ACSL3: variants seen among roughly 807,000 people sequenced by gnomAD.
The protein encoded by ACSL3 is acyl-CoA synthetase long chain family member 3.
In ACSL3, 34 loss-of-function variants were observed where a neutral mutation model predicts 84.7. That is an observed-to-expected ratio of 0.40 (90% CI 0.31 to 0.53). The LOEUF is 0.53. Ranked by LOEUF, ACSL3 falls within the 20% of genes least tolerant of loss-of-function variation. The probability of loss-of-function intolerance (pLI) is 0.48; values close to 1 mark genes in which losing one functional copy is unlikely to be tolerated. For missense variants in ACSL3, 680 were observed against 873.1 expected (o/e 0.78, Z 2.79); for synonymous variants, 315 against 299.4 (o/e 1.05, Z -0.54).
intron 2 of ACSL3, among the ~76,000 whole-genome samples, chr2:222,893,850 T>G (rs1432283986): frequency 6.6e-6 from 1 of 152,078 alleles, no homozygotes; most frequent in Non-Finnish European, 1.5e-5. Context: ...ACTTTGTCTT[T>G]TCACAAAGTC....
At chr2:222,876,017 A>G (rs1247996424) in intron 1 of ACSL3, among the ~76,000 whole-genome samples, 1 of 152,230 alleles carries the variant, frequency 6.6e-6, no homozygotes. Flanking sequence ...TAAACATACA[A>G]TCCATAGTTA....
chr2:222,866,290 T>C (rs1034697766), intron 1 of ACSL3, among the ~76,000 whole-genome samples: 3 of 151,984 alleles, frequency 2.0e-5, no homozygotes, highest in Non-Finnish European at 2.9e-5. Flanking sequence ...GGACTACAGG[T>C]GCCCACCACC....
Position 222,930,908 on chromosome 2 carries a change from C to G in ACSL3, c.1732+96C>G, listed in dbSNP as rs1697013606. On this transcript the variant is annotated intron_variant, in intron 14 of 16. Transcript: ENST00000357430. ...AGAGGAGGCGCTGAATAATATAAATCTTTATGTAATCTTAGTTTGGGTTGT... is the reference window on the plus strand; with the variant it reads ...AGAGGAGGCGCTGAATAATATAAATGTTTATGTAATCTTAGTTTGGGTTGT... The G allele has an allele frequency of 5.4e-6, 6 of 1,118,682 alleles. No individual in the cohort carries two copies. In the Admixed American group the frequency reaches 1.5e-4, roughly 29 times the overall value. The allele number at this position is 1,118,682 out of a possible 1,614,324, so 69.3% of individuals were successfully genotyped here.
At chr2:222,923,246 T>A in intron 10 of ACSL3, 97 bp downstream of exon 10, 1 of 1,008,850 alleles carries the variant, frequency 9.9e-7, no homozygotes, top group Non-Finnish European at 1.5e-6. Context: ...ACAAGGTAGT[T>A]TATGTAGGAT....
At chr2:222,923,224 A>C in intron 10 of ACSL3, 75 bp downstream of exon 10, 1 of 1,226,278 alleles carries the variant, frequency 8.2e-7, no homozygotes, top group Non-Finnish European at 1.2e-6. Context: ...GCTAGTGAAA[A>C]ATATATTGTT....
chr2:222,865,274 T>C (rs1695108198), intron 1 of ACSL3, among the ~76,000 whole-genome samples: 2 of 152,224 alleles, frequency 1.3e-5, no homozygotes, highest in Admixed American at 6.5e-5. Flanking sequence ...ATGTTTCCCA[T>C]TTTGAAGGGT....
At chr2:222,865,257 A>G (rs1221305528) in intron 1 of ACSL3, among the ~76,000 whole-genome samples, 1 of 152,136 alleles carries the variant, frequency 6.6e-6, no homozygotes, top group Non-Finnish European at 1.5e-5. Flanking sequence ...TTATTTACGT[A>G]TTTTTGATGT....
intron 4 of ACSL3, among the ~76,000 whole-genome samples, chr2:222,915,796 A>G (rs1159439267): frequency 6.6e-6 from 1 of 152,220 alleles, no homozygotes; most frequent in Non-Finnish European, 1.5e-5. Context: ...AGAGTTTGGT[A>G]TGGCAATTCA....
intron 1 of ACSL3, among the ~76,000 whole-genome samples, chr2:222,871,266 A>T (rs1474886668): frequency 1.3e-5 from 2 of 152,168 alleles, no homozygotes; most frequent in African/African-American, 2.4e-5. Flanking sequence ...GAGTGACAGT[A>T]GAAGATGTGG....
intron 1 of ACSL3, among the ~76,000 whole-genome samples, chr2:222,886,299 T>C (rs1357752275): frequency 2.0e-5 from 3 of 152,156 alleles, no homozygotes; most frequent in Non-Finnish European, 4.4e-5. Flanking sequence ...ATTCTTCAAC[T>C]CCCACTTATG....
intron 2 of ACSL3, among the ~76,000 whole-genome samples, chr2:222,888,317 T>C (rs1695769086): frequency 6.6e-6 from 1 of 152,216 alleles, no homozygotes; most frequent in African/African-American, 2.4e-5. Context: ...TTATTACAGT[T>C]GTCATGGGGC....
At chr2:222,924,251 C>A (rs1009198486) in intron 10 of ACSL3, among the ~76,000 whole-genome samples, 2 of 152,018 alleles carry the variant, frequency 1.3e-5, no homozygotes, top group African/African-American at 2.4e-5. Flanking sequence ...AATTGTGGTT[C>A]GATTTTAAAA....
At chr2:222,877,011 G>A (rs1695466501) in intron 1 of ACSL3, among the ~76,000 whole-genome samples, 3 of 152,148 alleles carry the variant, frequency 2.0e-5, no homozygotes, top group African/African-American at 7.2e-5. Flanking sequence ...GTTAGGAGGG[G>A]ATTGGAGATG....
intron 7 of ACSL3, 177 bp downstream of exon 7, chr2:222,919,379 G>C: frequency 2.0e-6 from 1 of 494,258 alleles, no homozygotes; most frequent in Non-Finnish European, 3.4e-6. Flanking sequence ...AAGTTTTAAG[G>C]AAAAATATAA....
intron 1 of ACSL3, among the ~76,000 whole-genome samples, chr2:222,877,578 A>G (rs1695482118): frequency 2.6e-5 from 4 of 152,232 alleles, no homozygotes; most frequent in African/African-American, 9.6e-5. Context: ...ATAAATACCT[A>G]GTTCAGAAAT....
chr2:222,893,970 A>G (rs908221382), intron 2 of ACSL3, among the ~76,000 whole-genome samples: 4 of 152,156 alleles, frequency 2.6e-5, no homozygotes, highest in Non-Finnish European at 5.9e-5. Flanking sequence ...AGCTGGGACT[A>G]CAGTCATGAG....
intron 2 of ACSL3, among the ~76,000 whole-genome samples, chr2:222,899,778 TTACTA>T (rs1696089765): frequency 6.6e-6 from 1 of 152,186 alleles, no homozygotes; most frequent in Admixed American, 6.5e-5. Context: ...ATTTTCTTAA[TTACTA>T]TATTAAGATA....
At position 222,909,122 on chromosome 2, in the gene ACSL3, T is replaced by C. The variant is rs763296511; in HGVS notation, c.350T>C (p.Val117Ala). ...TREVLNEEDE[V>A]QPNGKIFKKV... ...GAAGTTTTAAATGAGGAAGATGAAG[T>C]ACAACCAAATGGAAAAATTTTTAAA... The change falls in exon 4 of 17, where the codon GTA becomes GCA. Residue 117 changes from valine to alanine, a missense_variant. Val to Ala is a moderately conservative substitution (Grantham distance 64, BLOSUM62 0). Coordinates refer to ENST00000357430, the MANE Select transcript of ACSL3 (RefSeq NM_004457.5). 6.3e-7 allele frequency: 1 copy of C among 1,596,640 alleles called. No individual in the cohort carries two copies. Among genetic ancestry groups the C allele is most frequent in the East Asian group, 2.2e-5 (1 of 44,794 alleles).
intron 16 of ACSL3, among the ~76,000 whole-genome samples, 177 bp downstream of exon 16, chr2:222,934,864 C>T (rs1443461063): frequency 6.6e-6 from 1 of 152,196 alleles, no homozygotes; most frequent in Non-Finnish European, 1.5e-5. Context: ...CACAAATTAA[C>T]CACTCCCACC....
Sources: allele counts gnomAD v4.1 joint callset (sites outside exome capture counted in the v4.1 genomes callset), GRCh38; gene constraint gnomAD v4.1.1; transcripts MANE v1.5; gene names NCBI Gene and HGNC (gene_info 2026-07-23, HGNC 2026-07-21).